The following CCDC171 variants were observed in gnomAD, a reference collection of about 807,000 sequenced individuals.
The protein encoded by CCDC171 is coiled-coil domain-containing protein 171.
A neutral mutation model predicts 168.2 loss-of-function variants in CCDC171; 177 were observed. The ratio of observed to expected loss-of-function variants is 1.05; its 90% CI spans 0.93 to 1.19. The LOEUF (loss-of-function observed/expected upper bound fraction) is 1.19, where lower values mean the gene tolerates loss of function less well. Among genes scored for constraint, CCDC171 ranks in the 50% most tolerant of loss-of-function variants. CCDC171 has a pLI of 0.00. For missense variants in CCDC171, 1,991 were observed against 1,539.0 expected (o/e 1.29, Z -4.91); for synonymous variants, 687 against 540.8 (o/e 1.27, Z -3.75).
chr9:15,600,047 G>A (rs927825975), intron 6 of CCDC171, among the ~76,000 whole-genome samples: 7 of 152,106 alleles, frequency 4.6e-5, no homozygotes, highest in Non-Finnish European at 5.9e-5. Flanking sequence ...TTAGCCATTC[G>A]TCTAATCTTT....
chr9:16,055,980 C>T (rs1833832753), intron 1 of CCDC171, among the ~76,000 whole-genome samples: 1 of 152,140 alleles, frequency 6.6e-6, no homozygotes, highest in African/African-American at 2.4e-5. Context: ...TATTCTGCAG[C>T]CATTTATGTT....
chr9:15,565,515 A>C (rs941273257), intron 2 of CCDC171, among the ~76,000 whole-genome samples: 4 of 152,088 alleles, frequency 2.6e-5, no homozygotes, highest in African/African-American at 9.7e-5. Flanking sequence ...ATTACTTTTT[A>C]TAATTAGAGA....
chr9:16,085,565 A>C, the CCDC171 span, among the ~76,000 whole-genome samples: 10 of 152,174 alleles, frequency 6.6e-5, no homozygotes, highest in East Asian at 1.9e-3. Flanking sequence ...GCTGGTTCCA[A>C]ATCTTGTGCA....
chr9:15,596,881 CT>C (rs2042412813), intron 6 of CCDC171, among the ~76,000 whole-genome samples: 2 of 152,084 alleles, frequency 1.3e-5, no homozygotes, highest in Admixed American at 1.3e-4. Context: ...AGTTGGATTC[CT>C]AGGTATTTTA....
intron 10 of CCDC171, among the ~76,000 whole-genome samples, chr9:15,692,638 C>T (rs561778232): frequency 2.6e-5 from 4 of 151,248 alleles, no homozygotes; most frequent in East Asian, 4.0e-4. Context: ...CGCCATTCTC[C>T]TGCCTCAGCC....
At chr9:15,767,931 C>A (rs1461991077) in intron 18 of CCDC171, among the ~76,000 whole-genome samples, 1 of 146,998 alleles carries the variant, frequency 6.8e-6, no homozygotes, top group Non-Finnish European at 1.5e-5. Flanking sequence ...GAAGGGGTTT[C>A]TCCATGTTGT....
At chr9:15,574,023 G>C (rs948433339) in intron 3 of CCDC171, among the ~76,000 whole-genome samples, 1 of 152,184 alleles carries the variant, frequency 6.6e-6, no homozygotes, top group African/African-American at 2.4e-5. Flanking sequence ...TTCACATTAA[G>C]GAGATAGAAA....
intron 21 of CCDC171, among the ~76,000 whole-genome samples, chr9:15,799,688 T>C (rs1173265867): frequency 2.0e-5 from 3 of 152,130 alleles, no homozygotes; most frequent in Non-Finnish European, 4.4e-5. Context: ...CCACCTGTTG[T>C]GCCGTCAAAT....
chr9:15,858,788 A>G (rs767819187), intron 23 of CCDC171, among the ~76,000 whole-genome samples: 1 of 152,024 alleles, frequency 6.6e-6, no homozygotes, highest in Admixed American at 6.6e-5. Flanking sequence ...ATACTCATCT[A>G]TTCTAAAGGG....
intron 24 of CCDC171, among the ~76,000 whole-genome samples, chr9:15,903,659 G>A (rs960739887): frequency 1.3e-5 from 2 of 152,158 alleles, no homozygotes; most frequent in Non-Finnish European, 2.9e-5. Context: ...CACCAGCAAC[G>A]GAAGAAAGCT....
chr9:15,672,972 T>G (rs1378369381), intron 9 of CCDC171, among the ~76,000 whole-genome samples: 6 of 152,234 alleles, frequency 3.9e-5, no homozygotes, highest in Non-Finnish European at 5.9e-5. Context: ...TGATATTGAT[T>G]CTTCCTATCC....
At chr9:15,784,378 G>T in intron 20 of CCDC171, 131 bp from the exon 21 acceptor site, 1 of 503,950 alleles carries the variant, frequency 2.0e-6, no homozygotes, top group Non-Finnish European at 3.3e-6. Flanking sequence ...ATTAAGAAAA[G>T]CTAATTGTAT....
intron 1 of CCDC171, among the ~76,000 whole-genome samples, chr9:15,563,413 C>T (rs1586979627): frequency 6.6e-6 from 1 of 152,156 alleles, no homozygotes; most frequent in South Asian, 2.1e-4. Flanking sequence ...GCTGGGATTA[C>T]AGTCGTGAGC....
intron 24 of CCDC171, among the ~76,000 whole-genome samples, chr9:15,891,798 A>T (rs1820249723): frequency 6.6e-6 from 1 of 152,134 alleles, no homozygotes; most frequent in South Asian, 2.1e-4. Context: ...ACAGAGAATG[A>T]ACGAGCATGC....
chr9:15,756,156 T>C (rs1054528976), intron 18 of CCDC171, among the ~76,000 whole-genome samples: 5 of 152,138 alleles, frequency 3.3e-5, no homozygotes, highest in Non-Finnish European at 5.9e-5. Flanking sequence ...ATTTTGTAGA[T>C]GGATCCACTA....
At chr9:15,577,525 GTGTTCAGGCT>G (rs2040765441) in intron 3 of CCDC171, among the ~76,000 whole-genome samples, 2 of 152,300 alleles carry the variant, frequency 1.3e-5, no homozygotes, top group South Asian at 4.1e-4. Flanking sequence ...GGCTTTCACT[GTGTTCAGGCT>G]TAAATATATT....
At chr9:15,922,631 T>G (rs1281664828) in intron 25 of CCDC171, among the ~76,000 whole-genome samples, 1 of 151,606 alleles carries the variant, frequency 6.6e-6, no homozygotes, top group African/African-American at 2.4e-5. Flanking sequence ...AGTTTTAATT[T>G]TTTGAGGAAT....
chr9:15,752,316 T>C (rs1175987736), intron 18 of CCDC171, among the ~76,000 whole-genome samples: 1 of 151,946 alleles, frequency 6.6e-6, no homozygotes, highest in East Asian at 1.9e-4. Flanking sequence ...GGAGTGTAAA[T>C]TCAACCATTG....
rs1587560996 is a variant in CCDC171 at position 15,629,598 on chromosome 9, A to G, written c.822+6185A>G. ...GGAGAATGGAACCAAGTTGGAAAAC[A>G]CTCTGCAGGATATTATCCAGGAGAA... On this transcript the variant is annotated intron_variant, in intron 7 of 25. Transcript: ENST00000380701. 2.0e-5 allele frequency among the ~76,000 whole-genome samples: 3 copies of G among 152,326 alleles called. No individual in the cohort carries two copies. In the South Asian group the frequency reaches 6.2e-4, roughly 32 times the overall value.
Sources: gnomAD v4.1 joint callset for allele counts (sites outside exome capture counted in the v4.1 genomes callset) on GRCh38, gnomAD v4.1.1 for gene constraint, MANE v1.5 for transcripts, NCBI Gene and HGNC (gene_info 2026-07-23, HGNC 2026-07-21) for gene names.